The following ADGRG1 variants were observed in gnomAD, a reference collection of about 807,000 sequenced individuals.
ADGRG1 encodes the protein adhesion G protein-coupled receptor G1, also known as 7-transmembrane protein with no EGF-like N-terminal domains-1.
A neutral mutation model predicts 73.5 loss-of-function variants in ADGRG1; 53 were observed. That is an observed-to-expected ratio of 0.72 (90% CI 0.58 to 0.91). The LOEUF (loss-of-function observed/expected upper bound fraction) is 0.91, where lower values mean the gene tolerates loss of function less well. ADGRG1 is among the 40% of genes least tolerant of loss of function. The pLI is 0.00. For synonymous variants in ADGRG1, 394 were observed against 374.4 expected (o/e 1.05, Z -0.60); for missense variants, 795 against 871.8 (o/e 0.91, Z 1.11).
intron 1 of ADGRG1, chr16:57,637,634 C>CG (rs201110751): frequency 0.014 from 13,332 of 985,354 alleles, 100 homozygotes; most frequent in African/African-American, 0.028. Context: ...CCTCTTCCTC[C>CG]GGGGGCCAAA....
chr16:57,656,667 G>T, intron 9 of ADGRG1, 50 bp downstream of exon 9: 1 of 1,103,826 alleles, frequency 9.1e-7, no homozygotes, highest in South Asian at 1.2e-5. Flanking sequence ...CCGTGTGCTT[G>T]TTCTGTGCAA....
At chr16:57,636,540 C>G (rs1352478800) in intron 1 of ADGRG1, 1 of 985,098 alleles carries the variant, frequency 1.0e-6, no homozygotes, top group Non-Finnish European at 1.2e-6. Context: ...TGGCTCAGTG[C>G]TTGAACCCTC....
intron 1 of ADGRG1, chr16:57,633,473 G>A (rs2038534364): frequency 1.0e-6 from 1 of 985,270 alleles, no homozygotes; most frequent in African/African-American, 1.7e-5. Context: ...GTCCCCAGCT[G>A]TCCCAGACCT....
At chr16:57,622,592 T>C (rs2035062313) in intron 2 of ADGRG1, 1 of 167,068 alleles carries the variant, frequency 6.0e-6, no homozygotes, top group African/African-American at 2.4e-5. Context: ...AGGCATGTGA[T>C]TGGGTGAGGG....
chr16:57,639,785 G>A (rs1182698101), intron 1 of ADGRG1: 7 of 790,902 alleles, frequency 8.9e-6, no homozygotes, highest in African/African-American at 5.9e-5. Flanking sequence ...CCTCCAGCTC[G>A]CCTCCTTCCT....
chr16:57,654,259 TC>T, intron 5 of ADGRG1, 126 bp downstream of exon 5: 1 of 948,208 alleles, frequency 1.1e-6, no homozygotes, highest in Non-Finnish European at 1.6e-6. Flanking sequence ...CCGAGAAGGT[TC>T]CAGGCCCGAG....
intron 1 of ADGRG1, chr16:57,631,738 G>T: frequency 1.0e-6 from 1 of 985,528 alleles, no homozygotes; most frequent in Non-Finnish European, 1.2e-6. Flanking sequence ...GTGGGGCGGG[G>T]CTGTGGCACG....
At chr16:57,648,809 G>C in intron 1 of ADGRG1, 1 of 617,542 alleles carries the variant, frequency 1.6e-6, no homozygotes, top group Non-Finnish European at 2.0e-6. Context: ...CATAGGGAGG[G>C]CCAAGCCTTC....
At chr16:57,626,937 T>C (rs2035951578), upstream of ADGRG1, 1 of 985,332 alleles carries the variant, frequency 1.0e-6, no homozygotes. Flanking sequence ...TCTGCTGCTT[T>C]GGCAATAAGG....
rs1317682031 is a variant in ADGRG1, at chr16:57,653,233, C to T, written c.518C>T (p.Ser173Leu). 12 of 1,611,916 alleles carry T rather than the reference C, an allele frequency of 7.4e-6. No homozygotes were observed. The highest frequency in any genetic ancestry group is 1.1e-5 in the South Asian group (1 of 91,084). The stretch of plus-strand genomic sequence containing the variant: ...CCCCACACGGCCGCTCACAATGCCT[C>T]GGTGGACATGTGCGAGCTCAAAAGG... ...SPPHTAAHNA[S>L]VDMCELKRDL... is the part of the protein sequence containing the mutation. The change falls in exon 4 of 14, where the codon TCG becomes TTG. Residue 173 changes from serine (S) to leucine (L), a missense_variant. Transcript: ENST00000562631.
upstream of ADGRG1, chr16:57,623,969 T>C (rs1280062224): frequency 5.9e-6 from 2 of 337,628 alleles, no homozygotes; most frequent in Non-Finnish European, 8.4e-6. Context: ...CTCTGTTAAA[T>C]GGGAACAATC....
At chr16:57,660,981 A>G in intron 12 of ADGRG1, 105 bp downstream of exon 12, 2 of 760,852 alleles carry the variant, frequency 2.6e-6, no homozygotes, top group South Asian at 2.9e-5. Flanking sequence ...CCTGGGTTCC[A>G]GTCTCCTCGA....
intron 9 of ADGRG1, 113 bp from the exon 10 acceptor site, chr16:57,657,260 T>G: frequency 6.6e-7 from 1 of 1,505,048 alleles, no homozygotes; most frequent in Non-Finnish European, 9.1e-7. Flanking sequence ...GGAGAGGGGG[T>G]TCTTAGGCTT....
At chr16:57,624,325 C>A (rs369399094), upstream of ADGRG1, 2 of 171,924 alleles carry the variant, frequency 1.2e-5, no homozygotes, top group Admixed American at 6.5e-5. Context: ...CGTATCAAGA[C>A]CCTGTCTCTC....
At chr16:57,628,995 A>AGAAT (rs1567669829) in intron 1 of ADGRG1, 193 bp downstream of exon 1, 1 of 469,010 alleles carries the variant, frequency 2.1e-6, no homozygotes, top group Non-Finnish European at 2.7e-6. Flanking sequence ...TGAGAATGTG[A>AGAAT]GTGTGAGTGT....
intron 1 of ADGRG1, chr16:57,647,420 G>A (rs2042960808): frequency 1.0e-6 from 1 of 985,198 alleles, no homozygotes; most frequent in African/African-American, 1.7e-5. Context: ...CTGAGTTAGG[G>A]GCAGGCATGA....
In ADGRG1 at chr16:57,641,418, A is replaced by G. The variant is rs934488822; in HGVS notation, c.-35-8835A>G. 33 of 979,474 alleles carry G rather than the reference A, an allele frequency of 3.4e-5. No individual in the cohort carries two copies. In the African/African-American group the frequency reaches 5.6e-4, roughly 17 times the overall value. 60.7% of individuals were successfully genotyped at this position (979,474 alleles called of 1,614,324 possible). On this transcript the variant is annotated intron_variant, in intron 1 of 13. Transcript: ENST00000562631. The stretch of plus-strand genomic sequence containing the variant: ...TGGCTGCAGACCACCCCAGGAGCAT[A>G]AGCTGAACAGGCCTGGCACCAGAGT...
rs752479967 is a variant in ADGRG1 at position 57,641,205 on chromosome 16, C to T, written c.-35-9048C>T. Reference sequence around the variant, plus strand: ...AAATAAGGCCCAGAGAAGGGACAGGCTGGCCTCAAGATTCCAGTTGGCTGC... The same window carrying T: ...AAATAAGGCCCAGAGAAGGGACAGGTTGGCCTCAAGATTCCAGTTGGCTGC... On this transcript the variant is annotated intron_variant, in intron 1 of 13. Transcript: ENST00000562631. 9.4e-5 allele frequency: 79 copies of T among 844,836 alleles called. 2 individuals carry two copies. Among genetic ancestry groups the T allele is most frequent in the Non-Finnish European group, 1.1e-4 (78 of 701,802 alleles). The allele number at this position is 844,836 out of a possible 1,614,324, so 52.3% of individuals were successfully genotyped here.
At chr16:57,626,965 C>G, upstream of ADGRG1, 4 of 985,576 alleles carry the variant, frequency 4.1e-6, no homozygotes, top group Non-Finnish European at 4.8e-6. Context: ...CACTGCAGCC[C>G]CGGGAGAGAG....
Sources: gnomAD v4.1 joint callset for allele counts on GRCh38, gnomAD v4.1.1 for gene constraint, MANE v1.5 for transcripts, NCBI Gene and HGNC (gene_info 2026-07-23, HGNC 2026-07-21) for gene names.